BTAF1: variants seen among roughly 807,000 people sequenced by gnomAD.
BTAF1 encodes B-TFIID TATA-box binding protein associated factor 1, also known as TATA-binding protein-associated factor 172.
Under a neutral mutation model 227.1 loss-of-function variants are expected in BTAF1, and 38 were observed. The observed-to-expected ratio is 0.17, with a 90% CI of 0.13 to 0.22. BTAF1 has a LOEUF of 0.22. Among genes scored for constraint, BTAF1 ranks in the 10% least tolerant of loss-of-function variants. The pLI is 1.00. For synonymous variants in BTAF1, 742 were observed against 751.9 expected (o/e 0.99, Z 0.21); for missense variants, 1,598 against 2,204.0 (o/e 0.73, Z 5.51).
intron 19 of BTAF1, among the ~76,000 whole-genome samples, chr10:91,985,427 G>A (rs1564695206): frequency 6.6e-6 from 1 of 151,890 alleles, no homozygotes; most frequent in African/African-American, 2.4e-5. Flanking sequence ...TTTGTCTGTT[G>A]TGAAAAAAGT....
rs934026847 is a variant in BTAF1 at position 92,008,290 on chromosome 10, A to G, written c.3813+15A>G. ...AATATCAGCAGGTAAGTTTTATACA[A>G]TAGTGAGTTTTCCTTTCAAATGAAC... On this transcript the variant is annotated intron_variant, in intron 26 of 37. Transcript: ENST00000265990. 11 of 1,545,296 alleles carry G rather than the reference A, an allele frequency of 7.1e-6. No individual in the cohort carries two copies. The highest frequency in any genetic ancestry group is 2.4e-5 in the Admixed American group (1 of 41,574).
chr10:91,952,205 T>C (rs996367741), intron 5 of BTAF1, among the ~76,000 whole-genome samples: 4 of 152,010 alleles, frequency 2.6e-5, no homozygotes, highest in East Asian at 1.9e-4. Flanking sequence ...TTTTAAGCCA[T>C]GTTTACCTTT....
At chr10:92,014,131 T>C (rs1005009580) in intron 32 of BTAF1, 102 bp downstream of exon 32, 5 of 1,249,108 alleles carry the variant, frequency 4.0e-6, no homozygotes, top group Non-Finnish European at 4.4e-6. Flanking sequence ...CCTTTGGCTT[T>C]ATCAGATGCA....
intron 28 of BTAF1, 139 bp from the exon 29 acceptor site, chr10:92,010,934 C>A: frequency 1.5e-6 from 1 of 668,756 alleles, no homozygotes; most frequent in Non-Finnish European, 2.6e-6. Context: ...GAAGAGTAGC[C>A]CTTCAGGGTC....
At position 91,992,100 on chromosome 10, in the gene BTAF1, T is replaced by G. The variant is rs1367009635; in HGVS notation, c.2855-19T>G. On this transcript the variant is annotated intron_variant, in intron 20 of 37. Coordinates refer to ENST00000265990, the MANE Select transcript of BTAF1 (RefSeq NM_003972.3). ...ACCAATATTATGATTAAAAGGTTGT[T>G]TAACTTTTTTCTTATTAGGATCCAC... 11 of 1,538,674 alleles carry G rather than the reference T, an allele frequency of 7.1e-6. No individual in the cohort carries two copies. The South Asian group carries it at 1.3e-4, about 18-fold the overall frequency.
rs536137931 is a variant in BTAF1, at chr10:92,031,079, A to T, written c.*2146A>T. 6.6e-6 allele frequency among the ~76,000 whole-genome samples: 1 copy of T among 152,152 alleles called. No homozygotes were observed. The highest frequency in any genetic ancestry group is 1.9e-4 in the East Asian group (1 of 5,190). Reference sequence around the variant, plus strand: ...CATGATAGAATGTTAACTATTTTAAACTGGGAATTGGGTTCATAGATATCC... The same window carrying T: ...CATGATAGAATGTTAACTATTTTAATCTGGGAATTGGGTTCATAGATATCC... On this transcript the variant is annotated 3_prime_UTR_variant, in exon 38 of 38. Coordinates refer to ENST00000265990, the MANE Select transcript of BTAF1 (RefSeq NM_003972.3).
Position 91,982,598 on chromosome 10 carries a change from C to A in BTAF1, c.2060C>A (p.Ala687Glu). Residue 687 changes from alanine (A) to glutamate (E), a missense_variant, in exon 18 of 38, where the codon GCA (alanine) becomes GAA (glutamate). By Grantham distance (107) the Ala-to-Glu change is moderately radical (BLOSUM62 -1). Around this residue, in one of 10 missense-constraint regions of BTAF1, gnomAD observed 318 missense variants for 435.0 expected, o/e 0.73. Coordinates refer to ENST00000265990, the MANE Select transcript of BTAF1 (RefSeq NM_003972.3). Reference protein sequence around the residue: ...ARMMAAKLLGALCCCICDPGV... With the variant: ...ARMMAAKLLGELCCCICDPGV... ...TTTCTCCCTCTTAGGTTGTTAGGAG[C>A]ACTTTGTTGCTGTATTTGTGATCCA... 1 of 1,612,652 alleles carries A rather than the reference C, an allele frequency of 6.2e-7. No individual in the cohort carries two copies. Among genetic ancestry groups the A allele is most frequent in the Non-Finnish European group, 8.5e-7 (1 of 1,179,386 alleles).
At chr10:91,995,844 GTGCTGTTGTGA>G (rs1047965938) in intron 23 of BTAF1, among the ~76,000 whole-genome samples, 61 of 152,260 alleles carry the variant, frequency 4.0e-4, no homozygotes, top group East Asian at 1.9e-3. Flanking sequence ...ATTTAGTAAG[GTGCTGTTGTGA>G]TGCTGTTGTG....
At chr10:91,978,784 A>C (rs1457780218) in intron 14 of BTAF1, among the ~76,000 whole-genome samples, 1 of 148,870 alleles carries the variant, frequency 6.7e-6, no homozygotes, top group South Asian at 2.1e-4. Context: ...AAGTAGTGAG[A>C]ATGCTCCTCC....
intron 32 of BTAF1, among the ~76,000 whole-genome samples, chr10:92,015,984 GTTTCTTTT>G (rs1354464698): frequency 4.6e-5 from 7 of 151,954 alleles, no homozygotes; most frequent in East Asian, 1.9e-4. Flanking sequence ...ACTTCTAAGA[GTTTCTTTT>G]TTTCTTTTTT....
Position 91,989,598 on chromosome 10 carries a change from T to C in BTAF1, c.2854+18T>C. On this transcript the variant is annotated intron_variant, in intron 20 of 37. Coordinates refer to ENST00000265990, the MANE Select transcript of BTAF1 (RefSeq NM_003972.3). Reference sequence around the variant, plus strand: ...TTCTAAAGGTATATACCTAAACTTTTATTTGGGGTAGAGAAATAACCTTTT... The same window carrying C: ...TTCTAAAGGTATATACCTAAACTTTCATTTGGGGTAGAGAAATAACCTTTT... 1 of 1,551,734 alleles carries C rather than the reference T, an allele frequency of 6.4e-7. No homozygotes were observed. The highest frequency in any genetic ancestry group is 8.7e-7 in the Non-Finnish European group (1 of 1,153,182).
intron 1 of BTAF1, among the ~76,000 whole-genome samples, chr10:91,929,217 A>G (rs935021066): frequency 1.3e-5 from 2 of 152,202 alleles, no homozygotes; most frequent in Admixed American, 6.5e-5. Context: ...TTATGCCACA[A>G]TTAATGGAAC....
intron 2 of BTAF1, among the ~76,000 whole-genome samples, chr10:91,937,206 G>A (rs7915659): frequency 0.14 from 20,957 of 151,814 alleles, 1,727 homozygotes; most frequent in East Asian, 0.22. Context: ...TGTTGGCTAG[G>A]ATGGTCTTGA....
Position 92,030,517 on chromosome 10 carries a change from A to G in BTAF1, c.*1584A>G, listed in dbSNP as rs895214510. Among the ~76,000 whole-genome samples, 2 of 152,176 alleles carry G rather than the reference A, an allele frequency of 1.3e-5. No homozygotes were observed. The highest frequency in any genetic ancestry group is 2.9e-5 in the Non-Finnish European group (2 of 67,986). On this transcript the variant is annotated 3_prime_UTR_variant, in exon 38 of 38. Transcript: ENST00000265990. ...GTTCCATAAACCAGCTCTTTAACAT[A>G]GCTTATAGTAATTGATATTTTCTTA...
intron 1 of BTAF1, among the ~76,000 whole-genome samples, chr10:91,927,234 G>T (rs1319265742): frequency 6.6e-6 from 1 of 151,678 alleles, no homozygotes; most frequent in East Asian, 1.9e-4. Flanking sequence ...CACCTCCCGG[G>T]TTCAAACGAT....
chr10:91,936,304 T>G (rs755769501), intron 2 of BTAF1, among the ~76,000 whole-genome samples: 2 of 152,082 alleles, frequency 1.3e-5, no homozygotes, highest in Non-Finnish European at 2.9e-5. Context: ...TGTATGGTAA[T>G]AAGTGGCAAA....
chr10:91,946,626 G>A (rs1845382764), intron 4 of BTAF1, among the ~76,000 whole-genome samples: 2 of 152,100 alleles, frequency 1.3e-5, no homozygotes, highest in South Asian at 4.1e-4. Context: ...ATCTCATTGT[G>A]ATTTTGATTT....
rs571874810 is a variant in BTAF1 at position 91,980,436 on chromosome 10, T to C, written c.1651-18T>C. 54 of 1,558,164 alleles carry C rather than the reference T, an allele frequency of 3.5e-5. No homozygotes were observed. Among genetic ancestry groups the C allele is most frequent in the Non-Finnish European group, 4.6e-5 (52 of 1,130,986 alleles). On this transcript the variant is annotated intron_variant, in intron 14 of 37. Transcript: ENST00000265990. ...AAGAATTATATGCTACAGCTTTTAA[T>C]TCTGTTTTTGTTTTCAGAACTCTTC...
In BTAF1 at chr10:91,959,974, G is replaced by A; in HGVS notation, c.1087-4G>A. ...TATGAGTTTTCTTCCTTTTTCGTCTGTAGGTTGTGGCACCAGTTCGTGAAA... is the reference window on the plus strand; with the variant it reads ...TATGAGTTTTCTTCCTTTTTCGTCTATAGGTTGTGGCACCAGTTCGTGAAA... On this transcript the variant is annotated splice_region_variant and splice_polypyrimidine_tract_variant and intron_variant, in intron 10 of 37. Transcript: ENST00000265990. The A allele has an allele frequency of 6.2e-7, 1 of 1,605,378 alleles. No individual in the cohort carries two copies. Among genetic ancestry groups the A allele is most frequent in the Non-Finnish European group, 8.5e-7 (1 of 1,176,342 alleles).
Sources: allele counts gnomAD v4.1 joint callset (sites outside exome capture counted in the v4.1 genomes callset), GRCh38; gene constraint gnomAD v4.1.1; regional missense constraint gnomAD v4.1.1; transcripts MANE v1.5; gene names NCBI Gene and HGNC (gene_info 2026-07-23, HGNC 2026-07-21).